DENND4C: variants seen among roughly 807,000 people sequenced by gnomAD.
DENND4C encodes DENN domain-containing protein 4C.
In DENND4C, 108 loss-of-function variants were observed where a neutral mutation model predicts 203.0. That is an observed-to-expected ratio of 0.53 (90% confidence interval 0.46 to 0.62). DENND4C has a LOEUF of 0.62. Among genes scored for constraint, DENND4C ranks in the 20% least tolerant of loss-of-function variants. The pLI is 0.00. For missense variants in DENND4C, 2,481 were observed against 2,301.2 expected, an observed-to-expected ratio of 1.08 and a Z score of -1.60; for synonymous variants, 871 against 792.4, an observed-to-expected ratio of 1.10 and a Z score of -1.67.
chr9:19,259,941 T>C (rs13287844), intron 1 of DENND4C, among the ~76,000 whole-genome samples: 3 of 152,216 alleles, frequency 2.0e-5, no homozygotes, highest in Non-Finnish European at 2.9e-5. Flanking sequence ...CAGTATTTCT[T>C]TGATGTACTG....
intron 6 of DENND4C, 110 bp from the exon 7 acceptor site, chr9:19,297,946 A>C: frequency 1.3e-6 from 1 of 781,278 alleles, no homozygotes; most frequent in Non-Finnish European, 1.9e-6. Context: ...ATTTTAGATA[A>C]ATGGCCATGT....
intron 4 of DENND4C, among the ~76,000 whole-genome samples, chr9:19,289,756 G>T (rs1835899237): frequency 6.7e-6 from 1 of 150,098 alleles, no homozygotes; most frequent in Non-Finnish European, 1.5e-5. Flanking sequence ...TTGAACCCAG[G>T]AGGCGGAGGT....
chr9:19,256,468 C>T (rs920055843), intron 1 of DENND4C, among the ~76,000 whole-genome samples: 4 of 151,622 alleles, frequency 2.6e-5, no homozygotes, highest in Admixed American at 1.3e-4. Flanking sequence ...AGGCATGCGC[C>T]ACCACACCCG....
Position 19,316,522 on chromosome 9 carries a change from T to C in DENND4C, c.1588+5T>C, listed in dbSNP as rs1458446135. Reference sequence around the variant, plus strand: ...TGTATCCCCAGCTGTCTTCAGGTAATGTGAGGGAAAAGGAATATTATTAAT... The same window carrying C: ...TGTATCCCCAGCTGTCTTCAGGTAACGTGAGGGAAAAGGAATATTATTAAT... On this transcript the variant is annotated splice_donor_5th_base_variant and intron_variant, in intron 11 of 32. Coordinates refer to ENST00000434457, the MANE Select transcript of DENND4C (RefSeq NM_001330640.2). 1.9e-6 allele frequency: 3 copies of C among 1,610,218 alleles called. No homozygotes were observed. The highest frequency in any genetic ancestry group is 2.5e-6 in the Non-Finnish European group (3 of 1,177,974).
chr9:19,330,866 A>G (rs908633188), intron 16 of DENND4C, among the ~76,000 whole-genome samples: 1 of 151,908 alleles, frequency 6.6e-6, no homozygotes, highest in African/African-American at 2.4e-5. Context: ...TCTGGCCAAC[A>G]TGGTGAAACT....
Position 19,341,126 on chromosome 9 carries a change from AT to A in DENND4C, c.3004+13del. 1 of 1,592,702 alleles carries A rather than the reference AT, an allele frequency of 6.3e-7. No homozygotes were observed. Among genetic ancestry groups the A allele is most frequent in the Non-Finnish European group, 8.5e-7 (1 of 1,171,228 alleles). ...AATGCAAACAGAAGGTTAAGTACTG[AT>A]ATTTACGAACTTTACTTAGAATAAT... On this transcript the variant is annotated intron_variant, in intron 21 of 32. Coordinates refer to ENST00000434457, the MANE Select transcript of DENND4C (RefSeq NM_001330640.2).
intron 1 of DENND4C, among the ~76,000 whole-genome samples, chr9:19,271,123 C>A (rs192618360): frequency 6.6e-6 from 1 of 150,540 alleles, no homozygotes; most frequent in Non-Finnish European, 1.5e-5. Context: ...TTAGAAGACT[C>A]AATAACCCTA....
chr9:19,279,504 CT>C (rs1002693098), intron 2 of DENND4C, among the ~76,000 whole-genome samples: 73 of 151,934 alleles, frequency 4.8e-4, no homozygotes, highest in Non-Finnish European at 1.5e-4. Flanking sequence ...GTGAAACCCC[CT>C]CTTTACTAAA....
chr9:19,287,810 G>A (rs1415951021), intron 3 of DENND4C, among the ~76,000 whole-genome samples: 1 of 151,986 alleles, frequency 6.6e-6, no homozygotes, highest in African/African-American at 2.4e-5. Context: ...TTGGCTCACT[G>A]CAACCTCCAC....
chr9:19,282,216 G>A (rs934676802), intron 2 of DENND4C, among the ~76,000 whole-genome samples: 3 of 150,964 alleles, frequency 2.0e-5, no homozygotes, highest in Non-Finnish European at 4.4e-5. Flanking sequence ...ATTTTATTAA[G>A]TTTTTTTGTA....
At chr9:19,370,091 T>A in intron 31 of DENND4C, 104 bp downstream of exon 31, 1 of 1,333,680 alleles carries the variant, frequency 7.5e-7, no homozygotes, top group Non-Finnish European at 1.1e-6. Context: ...AAACACATAC[T>A]CATTGCAAAA....
chr9:19,324,629 G>T (rs1179467227), intron 13 of DENND4C, 122 bp downstream of exon 13: 10 of 1,009,164 alleles, frequency 9.9e-6, no homozygotes, highest in African/African-American at 3.3e-5. Context: ...GTATGTGTGT[G>T]TATGTGTTAC....
At chr9:19,233,671 C>T (rs768410165) in intron 1 of DENND4C, among the ~76,000 whole-genome samples, 2 of 97,168 alleles carry the variant, frequency 2.1e-5, no homozygotes, top group African/African-American at 7.3e-5. Flanking sequence ...AGCGATTCTC[C>T]TGCCTCTGCC....
At chr9:19,368,809 G>T (rs1001454512) in intron 30 of DENND4C, among the ~76,000 whole-genome samples, 15 of 151,566 alleles carry the variant, frequency 9.9e-5, no homozygotes, top group African/African-American at 3.6e-4. Context: ...AAAAAGTTAT[G>T]AATTACATCA....
In DENND4C at chr9:19,346,787, C is replaced by A; in HGVS notation, c.4018C>A (p.Pro1340Thr). The A allele has an allele frequency of 6.2e-7, 1 of 1,614,136 alleles. No homozygotes were observed. The highest frequency in any genetic ancestry group is 8.5e-7 in the Non-Finnish European group (1 of 1,180,024). The stretch of plus-strand genomic sequence containing the variant: ...TCATGGTTCACCAGCACAGGAAAAT[C>A]CTGAAAGTGAAAAGAGCTCACCTGC... ...LDHGSPAQEN[P>T]ESEKSSPAVS... Residue 1340 changes from proline to threonine, a missense_variant, in exon 23 of 33, where the codon CCT becomes ACT. Pro to Thr is a conservative substitution (Grantham distance 38, BLOSUM62 -1). Around this residue, in one of 3 missense-constraint regions of DENND4C, gnomAD observed 2,289 missense variants for 2,113.3 expected, o/e 1.08. Transcript: ENST00000434457.
chr9:19,245,775 GAACCC>G (rs1825072202), intron 1 of DENND4C, among the ~76,000 whole-genome samples: 1 of 151,334 alleles, frequency 6.6e-6, no homozygotes, highest in South Asian at 2.1e-4. Flanking sequence ...AGAATCGCTT[GAACCC>G]AGGAGGTGGA....
At chr9:19,284,484 T>A (rs942644670) in intron 2 of DENND4C, among the ~76,000 whole-genome samples, 1 of 152,216 alleles carries the variant, frequency 6.6e-6, no homozygotes, top group African/African-American at 2.4e-5. Context: ...CTAGAAAAAA[T>A]TGCTGGATTA....
intron 24 of DENND4C, among the ~76,000 whole-genome samples, chr9:19,351,514 T>A (rs1004868859): frequency 2.6e-5 from 4 of 152,088 alleles, no homozygotes; most frequent in South Asian, 2.1e-4. Context: ...CTGTAAAAAT[T>A]TAAAATGTCC....
chr9:19,354,450 A>G (rs535082147), intron 26 of DENND4C, among the ~76,000 whole-genome samples: 10 of 151,934 alleles, frequency 6.6e-5, no homozygotes, highest in African/African-American at 2.4e-4. Flanking sequence ...ATATAGCCTT[A>G]CCAGCATTTG....
Sources: gnomAD v4.1 joint callset for allele counts (sites outside exome capture counted in the v4.1 genomes callset) on GRCh38, gnomAD v4.1.1 for gene constraint, gnomAD v4.1.1 regional missense constraint, MANE v1.5 for transcripts, NCBI Gene and HGNC (gene_info 2026-07-23, HGNC 2026-07-21) for gene names.